Variants in HIF1A observed in about 807,000 individuals in gnomAD.
The protein encoded by HIF1A is hypoxia-inducible factor 1-alpha.
Under a neutral mutation model 92.7 loss-of-function variants are expected in HIF1A, and 24 were observed. That is an observed-to-expected ratio of 0.26 (90% confidence interval 0.19 to 0.36). The LOEUF (loss-of-function observed/expected upper bound fraction) is 0.36. Ranked by LOEUF, HIF1A falls within the 10% of genes least tolerant of loss-of-function variation. The probability of loss-of-function intolerance (pLI) is 1.00; values close to 1 mark genes in which losing one functional copy is unlikely to be tolerated. For missense variants in HIF1A, 799 were observed against 998.5 expected (o/e 0.80, Z 2.69); for synonymous variants, 319 against 338.7 (o/e 0.94, Z 0.64).
At chr14:61,733,850 A>G (rs1350695271) in intron 7 of HIF1A, among the ~76,000 whole-genome samples, 2 of 152,126 alleles carry the variant, frequency 1.3e-5, no homozygotes, top group African/African-American at 4.8e-5. Context: ...ATCTGACACC[A>G]ACCTAAGTCA....
In HIF1A at chr14:61,743,626, C is replaced by G. The variant is rs1256842258; in HGVS notation, c.2094-1079C>G. 1.6e-4 allele frequency among the ~76,000 whole-genome samples: 25 copies of G among 152,110 alleles called. 1 individual carries two copies. The highest frequency in any genetic ancestry group is 3.7e-4 in the Non-Finnish European group (25 of 68,016). ...ACCAAAGAAAACTGCAAAATAAGAT[C>G]ACTTACCTATTTGGCATTCTCAACT... On this transcript the variant is annotated intron_variant, in intron 12 of 14. Coordinates refer to ENST00000337138, the MANE Select transcript of HIF1A (RefSeq NM_001530.4).
intron 14 of HIF1A, 76 bp from the exon 15 acceptor site, chr14:61,746,858 C>T: frequency 1.7e-6 from 2 of 1,199,424 alleles, no homozygotes; most frequent in Non-Finnish European, 1.2e-6. Context: ...TCTATGATAC[C>T]TAACACATTG....
intron 6 of HIF1A, among the ~76,000 whole-genome samples, chr14:61,731,865 G>A (rs1463688257): frequency 6.6e-6 from 1 of 152,234 alleles, no homozygotes; most frequent in Admixed American, 6.5e-5. Flanking sequence ...GGCTGGGCAC[G>A]TTGGCTCATG....
Position 61,736,870 on chromosome 14 carries a change from A to G in HIF1A, c.1029-19A>G, listed in dbSNP as rs751024425. On this transcript the variant is annotated intron_variant, in intron 8 of 14. Transcript: ENST00000337138. ...TCAAGTGCTCATTTGTGAATTACCA[A>G]TTTCTCTTGTTTTGACAGTGGTATT... The G allele has an allele frequency of 3.1e-5, 48 of 1,560,284 alleles. No individual in the cohort carries two copies. The highest frequency in any genetic ancestry group is 3.6e-5 in the Non-Finnish European group (41 of 1,132,110).
At chr14:61,697,407 C>T (rs1004563336) in intron 1 of HIF1A, among the ~76,000 whole-genome samples, 2 of 152,128 alleles carry the variant, frequency 1.3e-5, no homozygotes, top group African/African-American at 2.4e-5. Context: ...GTTTTCTATC[C>T]TTATTATATA....
intron 1 of HIF1A, among the ~76,000 whole-genome samples, chr14:61,696,959 C>G (rs965702685): frequency 6.6e-6 from 1 of 152,188 alleles, no homozygotes; most frequent in Admixed American, 6.5e-5. Flanking sequence ...TAAGAGCGGA[C>G]TCCCCCATCC....
intron 1 of HIF1A, among the ~76,000 whole-genome samples, chr14:61,700,445 C>T (rs948987619): frequency 6.6e-6 from 1 of 152,088 alleles, no homozygotes; most frequent in Non-Finnish European, 1.5e-5. Context: ...GTGTAATGTC[C>T]TCAAGGTTCA....
chr14:61,697,691 G>T, intron 1 of HIF1A: 1 of 1,241,270 alleles, frequency 8.1e-7, no homozygotes, highest in South Asian at 2.8e-5. Context: ...TGATATAACT[G>T]AAAAATTAAG....
rs1023916957 is a variant in HIF1A at position 61,744,939 on chromosome 14, T to C, written c.2202+126T>C. The C allele has an allele frequency of 8.0e-6, 4 of 502,248 alleles. No individual in the cohort carries two copies. The East Asian group carries it at 1.0e-4, about 13-fold the overall frequency. The allele number at this position is 502,248 out of a possible 1,614,324, so 31.1% of individuals were successfully genotyped here. ...AGTAAAGTTATATTTTCAGAAGTTA[T>C]ACATTGGGTTTTTTTACTCTGTATG... On this transcript the variant is annotated intron_variant, in intron 13 of 14. Transcript: ENST00000337138.
intron 1 of HIF1A, among the ~76,000 whole-genome samples, chr14:61,708,188 A>G (rs1039696721): frequency 1.7e-4 from 26 of 152,172 alleles, no homozygotes; most frequent in Non-Finnish European, 3.2e-4. Context: ...AGTTCATTGT[A>G]GATTCTGGAT....
rs1172033904 is a variant in HIF1A, at chr14:61,741,134, C to T, written c.2039C>T (p.Thr680Ile). Residue 680 changes from threonine (T) to isoleucine (I), a missense_variant, in exon 12 of 15, where the codon ACA becomes ATA. By Grantham distance (89) the Thr-to-Ile change is moderately conservative (BLOSUM62 -1). Transcript: ENST00000337138. The stretch of plus-strand genomic sequence containing the variant: ...GCAGGAAAAGGAGTCATAGAACAGA[C>T]AGAAAAATCTCATCCAAGAAGCCCT... ...NRAGKGVIEQ[T>I]EKSHPRSPNV... 1.2e-6 allele frequency: 2 copies of T among 1,612,708 alleles called. No homozygotes were observed. Among genetic ancestry groups the T allele is most frequent in the African/African-American group, 1.3e-5 (1 of 74,876 alleles).
rs1240740234 is a variant in HIF1A at position 61,709,202 on chromosome 14, C to T, written c.36-11180C>T. On this transcript the variant is annotated intron_variant, in intron 1 of 14. Coordinates refer to ENST00000337138, the MANE Select transcript of HIF1A (RefSeq NM_001530.4). ...GTGAGCCACTGCACCTGGCACAATACCTTATATATAATCAGGGCTCAAAGA... is the reference window on the plus strand; with the variant it reads ...GTGAGCCACTGCACCTGGCACAATATCTTATATATAATCAGGGCTCAAAGA... Among the ~76,000 whole-genome samples, 7 of 152,194 alleles carry T rather than the reference C, an allele frequency of 4.6e-5. No homozygotes were observed. In the East Asian group the frequency reaches 9.7e-4, roughly 21 times the overall value.
intron 12 of HIF1A, among the ~76,000 whole-genome samples, chr14:61,744,219 A>C (rs992944203): frequency 2.6e-5 from 4 of 152,150 alleles, no homozygotes; most frequent in Non-Finnish European, 5.9e-5. Flanking sequence ...CGCATACTGT[A>C]GAAAATTTCC....
rs990026533 is a variant in HIF1A, at chr14:61,741,049, A to G, written c.1954A>G (p.Thr652Ala). Residue 652 changes from threonine to alanine, a missense_variant, in exon 12 of 15, where the codon ACT (threonine) becomes GCT (alanine). By Grantham distance (58) the Thr-to-Ala change is moderately conservative (BLOSUM62 0). Transcript: ENST00000337138. ...TCCTACCCACATACATAAAGAAACT[A>G]CTAGTGCCACATCATCACCATATAG... ...PSPTHIHKETTSATSSPYRDT... is the reference protein window; with the variant it reads ...PSPTHIHKETASATSSPYRDT... 4 of 1,613,942 alleles carry G rather than the reference A, an allele frequency of 2.5e-6. No homozygotes were observed. The African/African-American group carries it at 5.3e-5, about 22-fold the overall frequency.
rs2044696186 is a variant in HIF1A, at chr14:61,740,489, A to G, written c.1537-16A>G. On this transcript the variant is annotated splice_polypyrimidine_tract_variant and intron_variant, in intron 10 of 14. Coordinates refer to ENST00000337138, the MANE Select transcript of HIF1A (RefSeq NM_001530.4). ...GAAGCTTCTTCAGGAAATAGTAAACATATTTCTTTTTACAGCCTAATAGTC... is the reference window on the plus strand; with the variant it reads ...GAAGCTTCTTCAGGAAATAGTAAACGTATTTCTTTTTACAGCCTAATAGTC... 3.2e-6 allele frequency: 5 copies of G among 1,543,786 alleles called. No individual in the cohort carries two copies. Among genetic ancestry groups the G allele is most frequent in the African/African-American group, 2.8e-5 (2 of 71,868 alleles).
At chr14:61,724,380 T>TCTCTCTCTCTCTCTCTCTCC (rs771152491) in intron 4 of HIF1A, among the ~76,000 whole-genome samples, 14 of 139,712 alleles carry the variant, frequency 1.0e-4, no homozygotes, top group Admixed American at 2.1e-4. Context: ...TCTCTCTCTC[T>TCTCTCTCTCTCTCTCTCTCC]CCCCCTCCCT....
At chr14:61,715,043 A>T (rs1265626981) in intron 1 of HIF1A, among the ~76,000 whole-genome samples, 2 of 152,324 alleles carry the variant, frequency 1.3e-5, no homozygotes, top group East Asian at 3.9e-4. Flanking sequence ...TCAGGAAAAA[A>T]AAAAACAGTT....
Position 61,726,822 on chromosome 14 carries a change from A to G in HIF1A, c.570+4A>G. On this transcript the variant is annotated splice_donor_region_variant and intron_variant, in intron 5 of 14. Transcript: ENST00000337138. Reference sequence around the variant, plus strand: ...CATAAAGTCTGCAACATGGAAGGTAAGTGAAAATTATTTGTGATTGATTAT... The same window carrying G: ...CATAAAGTCTGCAACATGGAAGGTAGGTGAAAATTATTTGTGATTGATTAT... The G allele has an allele frequency of 1.3e-6, 2 of 1,503,766 alleles. No homozygotes were observed. Among genetic ancestry groups the G allele is most frequent in the Non-Finnish European group, 1.8e-6 (2 of 1,089,972 alleles). The allele number at this position is 1,503,766 out of a possible 1,614,324, so 93.2% of individuals were successfully genotyped here. A position where few individuals can be genotyped will look rare whatever the true frequency, so the allele number is the denominator to read the frequency against.
intron 13 of HIF1A, 152 bp downstream of exon 13, chr14:61,744,965 C>T (rs150777055): frequency 3.4e-4 from 163 of 479,448 alleles, no homozygotes; most frequent in African/African-American, 3.0e-3. Context: ...ACTCTGTATG[C>T]ACTGGTTTTT....
Sources: allele counts gnomAD v4.1 joint callset (sites outside exome capture counted in the v4.1 genomes callset), GRCh38; gene constraint gnomAD v4.1.1; transcripts MANE v1.5; gene names NCBI Gene and HGNC (gene_info 2026-07-23, HGNC 2026-07-21).